Variants in GNA14 observed in about 807,000 individuals in gnomAD.
The protein encoded by GNA14 is guanine nucleotide-binding protein subunit alpha-14.
GNA14 carries 50 observed loss-of-function variants against 42.0 expected under a neutral mutation model. The observed-to-expected ratio is 1.19, with a 90% confidence interval of 0.95 to 1.51. GNA14 has a LOEUF of 1.51. Ranked by LOEUF, GNA14 falls within the 40% of genes most tolerant of loss-of-function variation. GNA14 has a pLI of 0.00. For synonymous variants in GNA14, 173 were observed against 163.1 expected, an observed-to-expected ratio of 1.06 and a Z score of -0.46; for missense variants, 473 against 446.2, an observed-to-expected ratio of 1.06 and a Z score of -0.54.
chr9:77,533,408 G>A (rs997338623), intron 1 of GNA14, among the ~76,000 whole-genome samples: 2 of 152,160 alleles, frequency 1.3e-5, no homozygotes, highest in African/African-American at 4.8e-5. Flanking sequence ...TCAAACTTCT[G>A]AGCTCAGGCC....
chr9:77,579,449 A>G (rs1220005856), intron 1 of GNA14, among the ~76,000 whole-genome samples: 2 of 152,176 alleles, frequency 1.3e-5, no homozygotes, highest in Non-Finnish European at 2.9e-5. Context: ...TTCTGGTTTC[A>G]TGATCAGTCA....
rs1158448237 is a variant in GNA14, at chr9:77,515,960, C to CAAAAAAAAAAAAAAAAAAA, written c.309+13090_309+13108dup. 4.9e-4 allele frequency among the ~76,000 whole-genome samples: 26 copies of CAAAAAAAAAAAAAAAAAAA among 52,736 alleles called. 4 individuals are homozygous for CAAAAAAAAAAAAAAAAAAA. The highest frequency in any genetic ancestry group is 7.1e-4 in the Non-Finnish European group (20 of 28,170). 34.6% of individuals were successfully genotyped at this position (52,736 alleles called of 152,430 possible). On this transcript the variant is annotated intron_variant, in intron 2 of 6. Transcript: ENST00000341700. ...GGCAACGCAGCAAGACCCTGTCTCACAAAAAAAAAAAAAAAAAAAAAAACC... is the reference window on the plus strand; with the variant it reads ...GGCAACGCAGCAAGACCCTGTCTCACAAAAAAAAAAAAAAAAAAAAAAAAAAAAAAAAAAAAAAAAAACC...
At chr9:77,591,771 AT>A (rs935494222) in intron 1 of GNA14, among the ~76,000 whole-genome samples, 6 of 152,248 alleles carry the variant, frequency 3.9e-5, no homozygotes, top group African/African-American at 1.4e-4. Flanking sequence ...TAACAGGATA[AT>A]TTTAAACATC....
intron 2 of GNA14, among the ~76,000 whole-genome samples, chr9:77,471,398 G>C (rs1169313312): frequency 6.6e-6 from 1 of 152,142 alleles, no homozygotes; most frequent in Non-Finnish European, 1.5e-5. Context: ...CTTTATGTGG[G>C]TGGACAGCCC....
In GNA14 at chr9:77,584,425, T is replaced by C. The variant is rs974942823; in HGVS notation, c.125-55172A>G. Among the ~76,000 whole-genome samples, 6 of 152,308 alleles carry C rather than the reference T, an allele frequency of 3.9e-5. No homozygotes were observed. In the South Asian group the frequency reaches 8.3e-4, roughly 21 times the overall value. On this transcript the variant is annotated intron_variant, in intron 1 of 6. Transcript: ENST00000341700. ...TTTGGAGACCACTGTTCTATACCAC[T>C]AGCTTGCCTTTCCTTTCACCAGAGA...
intron 1 of GNA14, among the ~76,000 whole-genome samples, chr9:77,537,433 T>C (rs966292274): frequency 6.6e-6 from 1 of 152,212 alleles, no homozygotes; most frequent in Non-Finnish European, 1.5e-5. Flanking sequence ...TATGGCTGAA[T>C]AGTATCCCAC....
chr9:77,633,302 G>A (rs982440683), intron 1 of GNA14, among the ~76,000 whole-genome samples: 1 of 152,118 alleles, frequency 6.6e-6, no homozygotes, highest in South Asian at 2.1e-4. Flanking sequence ...CAGTTCACTA[G>A]AAGACCAGCA....
intron 1 of GNA14, among the ~76,000 whole-genome samples, chr9:77,568,306 T>C (rs2131794264): frequency 6.6e-6 from 1 of 151,862 alleles, no homozygotes; most frequent in Non-Finnish European, 1.5e-5. Context: ...ATATTTCCAG[T>C]GGGAATGTAG....
At chr9:77,508,571 A>G (rs1837107167) in intron 2 of GNA14, among the ~76,000 whole-genome samples, 1 of 152,182 alleles carries the variant, frequency 6.6e-6, no homozygotes, top group Non-Finnish European at 1.5e-5. Context: ...GTACGTGTAT[A>G]TATGTGTGCG....
intron 4 of GNA14, among the ~76,000 whole-genome samples, chr9:77,430,273 T>C (rs1835523740): frequency 6.6e-6 from 1 of 152,218 alleles, no homozygotes; most frequent in Admixed American, 6.5e-5. Flanking sequence ...TAGATTTCAC[T>C]GGTGGATGAT....
chr9:77,514,779 A>C (rs1837224864), intron 2 of GNA14, among the ~76,000 whole-genome samples: 1 of 151,784 alleles, frequency 6.6e-6, no homozygotes, highest in Admixed American at 6.6e-5. Context: ...ACGCCCGGCT[A>C]ATTTTTTGTA....
intron 2 of GNA14, among the ~76,000 whole-genome samples, chr9:77,459,731 G>A (rs1836071929): frequency 6.6e-6 from 1 of 152,148 alleles, no homozygotes; most frequent in South Asian, 2.1e-4. Flanking sequence ...TGTCAAATGA[G>A]CTTCTCAGCA....
At chr9:77,431,177 C>T (rs1033585637) in intron 4 of GNA14, 144 bp downstream of exon 4, 3 of 717,076 alleles carry the variant, frequency 4.2e-6, no homozygotes, top group East Asian at 2.6e-5. Context: ...ACCTACCTAC[C>T]ACAATTCTAA....
At chr9:77,621,374 G>A (rs1048191809) in intron 1 of GNA14, among the ~76,000 whole-genome samples, 1 of 152,180 alleles carries the variant, frequency 6.6e-6, no homozygotes, top group African/African-American at 2.4e-5. Context: ...GGTTTGATTA[G>A]CCTAATAACA....
intron 1 of GNA14, among the ~76,000 whole-genome samples, chr9:77,630,469 A>C (rs1331553499): frequency 2.0e-5 from 3 of 152,090 alleles, no homozygotes; most frequent in African/African-American, 2.4e-5. Context: ...AACTGCTTAG[A>C]TTTTGCTTGA....
chr9:77,522,795 G>T (rs1837379390), intron 2 of GNA14, among the ~76,000 whole-genome samples: 1 of 152,138 alleles, frequency 6.6e-6, no homozygotes, highest in African/African-American at 2.4e-5. Flanking sequence ...CCAAGACTGA[G>T]AATCATTGTT....
At chr9:77,498,393 AAAAAG>A (rs1564032338) in intron 2 of GNA14, among the ~76,000 whole-genome samples, 2 of 150,418 alleles carry the variant, frequency 1.3e-5, no homozygotes, top group African/African-American at 4.9e-5. Flanking sequence ...AAAAAAGAAA[AAAAAG>A]AAAAAGAAAA....
chr9:77,622,683 G>GTT (rs1407882927), intron 1 of GNA14, among the ~76,000 whole-genome samples: 1 of 147,668 alleles, frequency 6.8e-6, no homozygotes, highest in Non-Finnish European at 1.5e-5. Flanking sequence ...TCAGGAGATT[G>GTT]AGACCATCCT....
chr9:77,600,064 T>C (rs1467224865), intron 1 of GNA14, among the ~76,000 whole-genome samples: 1 of 151,026 alleles, frequency 6.6e-6, no homozygotes, highest in Non-Finnish European at 1.5e-5. Flanking sequence ...ACACCATATA[T>C]TGATTTTTGT....
Sources: gnomAD v4.1 joint callset for allele counts (sites outside exome capture counted in the v4.1 genomes callset) on GRCh38, gnomAD v4.1.1 for gene constraint, MANE v1.5 for transcripts, NCBI Gene and HGNC (gene_info 2026-07-23, HGNC 2026-07-21) for gene names.